The following PIK3CB variants were observed in gnomAD, a reference collection of about 807,000 sequenced individuals.
PIK3CB encodes phosphatidylinositol 4,5-bisphosphate 3-kinase catalytic subunit beta isoform.
A neutral mutation model predicts 136.8 loss-of-function variants in PIK3CB; 39 were observed. That is an observed-to-expected ratio of 0.29 (90% CI 0.22 to 0.37). The LOEUF is 0.37. Among genes scored for constraint, PIK3CB ranks in the 10% least tolerant of loss-of-function variants. PIK3CB has a pLI of 1.00. For synonymous variants in PIK3CB, 428 were observed against 436.6 expected (o/e 0.98, Z 0.25); for missense variants, 868 against 1,275.4 (o/e 0.68, Z 4.87).
At position 138,825,835 on chromosome 3, in the gene PIK3CB, T is replaced by C. The variant is rs1327240369; in HGVS notation, c.-122+8860A>G. 7.4e-6 allele frequency: 9 copies of C among 1,210,818 alleles called. No homozygotes were observed. The East Asian group carries it at 1.9e-4, about 25-fold the overall frequency. 75.0% of individuals were successfully genotyped at this position (1,210,818 alleles called of 1,614,324 possible). On this transcript the variant is annotated intron_variant, in intron 1 of 23. Coordinates refer to ENST00000674063, the MANE Select transcript of PIK3CB (RefSeq NM_006219.3). ...AGTCTGTTGAAATGCACCATGAAGC[T>C]TTGGGTGAAGCTCTTCCTGCAGACA...
intron 8 of PIK3CB, among the ~76,000 whole-genome samples, chr3:138,730,048 A>G (rs1368405278): frequency 6.6e-6 from 1 of 152,214 alleles, no homozygotes; most frequent in Non-Finnish European, 1.5e-5. Flanking sequence ...GTAGCAAGGT[A>G]TATCTACAGG....
intron 2 of PIK3CB, among the ~76,000 whole-genome samples, chr3:138,767,925 G>A (rs1341053973): frequency 6.6e-6 from 1 of 152,210 alleles, no homozygotes; most frequent in Non-Finnish European, 1.5e-5. Context: ...CTCTTCGCCT[G>A]CAATGCGATG....
At chr3:138,727,686 A>G (rs1188027651) in intron 8 of PIK3CB, among the ~76,000 whole-genome samples, 1 of 152,218 alleles carries the variant, frequency 6.6e-6, no homozygotes, top group African/African-American at 2.4e-5. Context: ...GTATTTTGTT[A>G]TCCAGCAACA....
At chr3:138,655,752 C>A (rs756462966) in intron 23 of PIK3CB, among the ~76,000 whole-genome samples, 1 of 152,134 alleles carries the variant, frequency 6.6e-6, no homozygotes, top group Admixed American at 6.5e-5. Context: ...ATAATTACTG[C>A]AGGATGCACA....
chr3:138,828,184 CTTT>C (rs1176715980), intron 1 of PIK3CB, among the ~76,000 whole-genome samples: 9 of 131,084 alleles, frequency 6.9e-5, no homozygotes, highest in Non-Finnish European at 6.5e-5. Context: ...ATTAAATTTC[CTTT>C]TTTTTTTTTT....
At chr3:138,787,274 G>A (rs1208547319) in intron 2 of PIK3CB, among the ~76,000 whole-genome samples, 4 of 151,308 alleles carry the variant, frequency 2.6e-5, no homozygotes, top group Non-Finnish European at 5.9e-5. Context: ...GCTGAGGCAG[G>A]AGAATTGCTT....
intron 11 of PIK3CB, among the ~76,000 whole-genome samples, chr3:138,705,181 CAAAACAAACAAAAAAA>C (rs2044347629): frequency 3.4e-5 from 2 of 58,530 alleles, no homozygotes; most frequent in African/African-American, 1.7e-4. Context: ...AAACAAAAAA[CAAAACAAACAAAAAAA>C]AAAACTTATA....
chr3:138,832,753 C>T (rs1934089727), intron 1 of PIK3CB, among the ~76,000 whole-genome samples: 1 of 141,554 alleles, frequency 7.1e-6, no homozygotes, highest in Non-Finnish European at 1.5e-5. Context: ...CGCTTGAACC[C>T]GGGAGGCGGA....
At chr3:138,824,348 A>C (rs1172599800) in intron 1 of PIK3CB, among the ~76,000 whole-genome samples, 2 of 152,142 alleles carry the variant, frequency 1.3e-5, no homozygotes, top group Non-Finnish European at 2.9e-5. Context: ...ACTGGGGAGA[A>C]TTCTGAGCTG....
intron 2 of PIK3CB, among the ~76,000 whole-genome samples, chr3:138,772,281 C>CAAAATG (rs2045808962): frequency 6.6e-6 from 1 of 152,102 alleles, no homozygotes; most frequent in Admixed American, 6.5e-5. Flanking sequence ...GACACTCATA[C>CAAAATG]AGTTCAAAAG....
chr3:138,722,534 CAAAT>C (rs2108608616), intron 8 of PIK3CB, among the ~76,000 whole-genome samples: 1 of 151,850 alleles, frequency 6.6e-6, no homozygotes, highest in African/African-American at 2.4e-5. Context: ...GAAATAAAGA[CAAAT>C]AAGTTCCCAC....
At chr3:138,803,153 C>T (rs1428589035) in intron 1 of PIK3CB, among the ~76,000 whole-genome samples, 1 of 152,176 alleles carries the variant, frequency 6.6e-6, no homozygotes, top group Non-Finnish European at 1.5e-5. Flanking sequence ...ACACCCACTG[C>T]TCCAGTCTTC....
chr3:138,678,401 T>G (rs1164336012), intron 19 of PIK3CB, among the ~76,000 whole-genome samples: 1 of 152,026 alleles, frequency 6.6e-6, no homozygotes, highest in Non-Finnish European at 1.5e-5. Flanking sequence ...ATTTAAAAAG[T>G]ATTTTATAGA....
At chr3:138,793,560 C>T (rs1170123056) in intron 2 of PIK3CB, among the ~76,000 whole-genome samples, 1 of 150,642 alleles carries the variant, frequency 6.6e-6, no homozygotes, top group South Asian at 2.1e-4. Context: ...GAGCCAAGAT[C>T]ACACCATTGC....
chr3:138,737,110 C>T (rs954780858), intron 6 of PIK3CB, among the ~76,000 whole-genome samples: 3 of 151,962 alleles, frequency 2.0e-5, no homozygotes, highest in African/African-American at 2.4e-5. Context: ...CCGAATGAGC[C>T]GGGCACAGTG....
intron 19 of PIK3CB, among the ~76,000 whole-genome samples, chr3:138,672,016 G>A (rs1014698117): frequency 3.9e-5 from 6 of 152,054 alleles, no homozygotes; most frequent in Non-Finnish European, 7.4e-5. Context: ...TACTGATAAC[G>A]CTTGGTACTG....
Position 138,734,786 on chromosome 3 carries a change from T to C in PIK3CB, c.820A>G (p.Met274Val). 6.2e-7 allele frequency: 1 copy of C among 1,612,828 alleles called. No homozygotes were observed. The highest frequency in any genetic ancestry group is 1.1e-5 in the South Asian group (1 of 90,884). Residue 274 changes from methionine to valine, a missense_variant, in exon 7 of 24, where the codon ATG (methionine) becomes GTG (valine). Physicochemically the swap from Met to Val is conservative, Grantham distance 21. Transcript: ENST00000674063. ...IQFQYIRNCV[M>V]NRALPHFILV... ...ATAAAATGGGGCAGGGCTCTGTTCATCACACAGTTCCGGATATACTATAGG... is the reference window on the plus strand; with the variant it reads ...ATAAAATGGGGCAGGGCTCTGTTCACCACACAGTTCCGGATATACTATAGG...
At chr3:138,780,124 A>AT (rs141003696) in intron 2 of PIK3CB, among the ~76,000 whole-genome samples, 4,824 of 151,662 alleles carry the variant, frequency 0.032, 266 homozygotes, top group African/African-American at 0.11. Context: ...CACCCGGCTA[A>AT]TTTTTGGTAT....
intron 22 of PIK3CB, 36 bp from the exon 23 acceptor site, chr3:138,656,310 T>A: frequency 1.2e-6 from 2 of 1,611,238 alleles, no homozygotes; most frequent in Non-Finnish European, 1.7e-6. Flanking sequence ...GAGCACAGTG[T>A]TAGAGGGGAG....
Sources: allele counts gnomAD v4.1 joint callset (sites outside exome capture counted in the v4.1 genomes callset), GRCh38; gene constraint gnomAD v4.1.1; transcripts MANE v1.5; gene names NCBI Gene and HGNC (gene_info 2026-07-23, HGNC 2026-07-21).